The following VEGFC variants were observed in gnomAD, a reference collection of about 807,000 sequenced individuals.
VEGFC encodes the protein vascular endothelial growth factor C, also known as FLT4 ligand DHM.
In VEGFC, 12 loss-of-function variants were observed where a neutral mutation model predicts 46.1. That is an observed-to-expected ratio of 0.26 (90% CI 0.17 to 0.42). The LOEUF is 0.42. Among genes scored for constraint, VEGFC ranks in the 10% least tolerant of loss-of-function variants. The pLI is 1.00. For synonymous variants in VEGFC, 232 were observed against 195.5 expected, an observed-to-expected ratio of 1.19 and a Z score of -1.56; for missense variants, 488 against 529.4, an observed-to-expected ratio of 0.92 and a Z score of 0.77.
At position 176,707,459 on chromosome 4, in the gene VEGFC, G is replaced by A. The variant is rs539737464; in HGVS notation, c.704+4040C>T. ...TCACTAGTGTAGCTTTTATTGAATTGTGGGCCATAATTCATAAAGGGTTGA... is the reference window on the plus strand; with the variant it reads ...TCACTAGTGTAGCTTTTATTGAATTATGGGCCATAATTCATAAAGGGTTGA... On this transcript the variant is annotated intron_variant, in intron 4 of 6. Transcript: ENST00000618562. Among the ~76,000 whole-genome samples, 4 of 152,048 alleles carry A rather than the reference G, an allele frequency of 2.6e-5. No individual in the cohort carries two copies. In the South Asian group the frequency reaches 8.3e-4, roughly 32 times the overall value.
chr4:176,742,412 G>A (rs1000071222), intron 1 of VEGFC, among the ~76,000 whole-genome samples: 1 of 151,934 alleles, frequency 6.6e-6, no homozygotes, highest in Admixed American at 6.6e-5. Flanking sequence ...ATGTCTGTTT[G>A]ACAGGATGTT....
chr4:176,740,002 AATATATATAACTATATATTCGATATATC>A (rs1560951427), intron 1 of VEGFC, among the ~76,000 whole-genome samples: 96 of 112,166 alleles, frequency 8.6e-4, no homozygotes, highest in African/African-American at 2.6e-3. Context: ...CGATATATCG[AATATATATAACTATATATTCGATATATC>A]GAATATATAT....
chr4:176,777,951 C>CAAAAAAA (rs1735842860), intron 1 of VEGFC, among the ~76,000 whole-genome samples: 2 of 101,722 alleles, frequency 2.0e-5, no homozygotes, highest in African/African-American at 8.6e-5. Context: ...AAAAAAAAAG[C>CAAAAAAA]TATTCTTGTT....
chr4:176,782,124 T>C (rs1735927147), intron 1 of VEGFC, among the ~76,000 whole-genome samples: 2 of 152,244 alleles, frequency 1.3e-5, no homozygotes, highest in African/African-American at 4.8e-5. Context: ...TAAGCAGTTA[T>C]TTGAATCCTG....
At chr4:176,713,040 C>T (rs1734642923) in intron 3 of VEGFC, among the ~76,000 whole-genome samples, 1 of 152,092 alleles carries the variant, frequency 6.6e-6, no homozygotes, top group Non-Finnish European at 1.5e-5. Flanking sequence ...AAGGATAACA[C>T]TTGACTCATT....
In VEGFC at chr4:176,792,775, G is replaced by C. The variant is rs1437739139; in HGVS notation, c.-464C>G. The C allele has an allele frequency of 6.7e-6, 1 of 148,666 alleles. No homozygotes were observed. The highest frequency in any genetic ancestry group is 1.5e-5 in the Non-Finnish European group (1 of 66,634). The allele number at this position is 148,666 out of a possible 1,614,324, so 9.2% of individuals were successfully genotyped here. ...GGAGCCGGGCCGCGGGCGCTGCGGC[G>C]GGGGCGCTGGCGGCGGTGCCGGGGG... On this transcript the variant is annotated 5_prime_UTR_variant, in exon 1 of 7. Transcript: ENST00000618562. This position sits in a 1 kb window ranked among gnomAD's most constrained non-coding sequence, Gnocchi z 6.3.
chr4:176,750,835 C>T (rs1054447273), intron 1 of VEGFC, among the ~76,000 whole-genome samples: 2 of 151,422 alleles, frequency 1.3e-5, no homozygotes, highest in South Asian at 4.2e-4. Context: ...CAATAGAAAT[C>T]GTTAATTAAT....
At chr4:176,736,725 C>A (rs1338449810) in intron 1 of VEGFC, among the ~76,000 whole-genome samples, 4 of 151,516 alleles carry the variant, frequency 2.6e-5, no homozygotes, top group South Asian at 2.1e-4. Flanking sequence ...AAAAATATTT[C>A]TTTAGTAAAA....
intron 1 of VEGFC, among the ~76,000 whole-genome samples, chr4:176,758,504 A>G (rs1397745332): frequency 6.6e-6 from 1 of 152,116 alleles, no homozygotes; most frequent in Non-Finnish European, 1.5e-5. Flanking sequence ...TGGTGCTAGA[A>G]AACCTCCGTC....
At chr4:176,738,890 A>T (rs1417566294) in intron 1 of VEGFC, among the ~76,000 whole-genome samples, 2 of 151,918 alleles carry the variant, frequency 1.3e-5, no homozygotes, top group African/African-American at 4.8e-5. Flanking sequence ...AAAGAACATG[A>T]ACAGAGACTC....
intron 1 of VEGFC, among the ~76,000 whole-genome samples, chr4:176,781,311 G>C (rs1214404963): frequency 6.6e-6 from 1 of 152,180 alleles, no homozygotes; most frequent in East Asian, 1.9e-4. Context: ...AGTCATAAAT[G>C]TCATGACCTG....
chr4:176,790,532 A>AAC lies in VEGFC; in HGVS notation c.147+1631_147+1632dup, dbSNP rs34739848. On this transcript the variant is annotated intron_variant, in intron 1 of 6. Transcript: ENST00000618562. The stretch of plus-strand genomic sequence containing the variant: ...CCCATACCTATACATAACACACGTA[A>AAC]ACACACACACACACACACTCAAGGT... Among the ~76,000 whole-genome samples, 301 of 151,258 alleles carry AAC rather than the reference A, an allele frequency of 2.0e-3. 1 individual carries two copies. Among genetic ancestry groups the AAC allele is most frequent in the African/African-American group, 5.8e-3 (239 of 41,128 alleles).
At chr4:176,729,784 T>C in intron 1 of VEGFC, 38 bp from the exon 2 acceptor site, 2 of 1,496,268 alleles carry the variant, frequency 1.3e-6, no homozygotes, top group South Asian at 1.4e-5. Context: ...ACTTACCAGC[T>C]TAAGGGATTT....
chr4:176,727,026 T>C (rs1734882827), intron 3 of VEGFC, among the ~76,000 whole-genome samples: 2 of 152,224 alleles, frequency 1.3e-5, no homozygotes, highest in Admixed American at 6.5e-5. Context: ...CAAACATTTC[T>C]GTTCAGAGGC....
chr4:176,735,553 G>T (rs976098378), intron 1 of VEGFC, among the ~76,000 whole-genome samples: 1 of 151,908 alleles, frequency 6.6e-6, no homozygotes, highest in Non-Finnish European at 1.5e-5. Flanking sequence ...TTGGACAGAG[G>T]CTCTTAGAGG....
intron 4 of VEGFC, among the ~76,000 whole-genome samples, chr4:176,702,766 T>C (rs1734455971): frequency 6.6e-6 from 1 of 152,104 alleles, no homozygotes; most frequent in South Asian, 2.1e-4. Flanking sequence ...TCCTCTTTGA[T>C]TGTACTCTCT....
chr4:176,684,111 T>G, intron 6 of VEGFC, 71 bp from the exon 7 acceptor site: 1 of 1,118,668 alleles, frequency 8.9e-7, no homozygotes, highest in Non-Finnish European at 1.3e-6. Flanking sequence ...ACCAAGGTAT[T>G]TCTGTGTTTT....
chr4:176,779,931 C>A (rs1366078856), intron 1 of VEGFC, among the ~76,000 whole-genome samples: 2 of 152,134 alleles, frequency 1.3e-5, no homozygotes, highest in Non-Finnish European at 2.9e-5. Flanking sequence ...GAGTGAAACC[C>A]ACAGTAACAT....
chr4:176,715,545 A>G (rs2111003126), intron 3 of VEGFC, among the ~76,000 whole-genome samples: 1 of 152,102 alleles, frequency 6.6e-6, no homozygotes, highest in South Asian at 2.1e-4. Context: ...TAATTTTTCT[A>G]ATTCTTTCTG....
Sources: gnomAD v4.1 joint callset for allele counts (sites outside exome capture counted in the v4.1 genomes callset) on GRCh38, gnomAD v4.1.1 for gene constraint, Gnocchi (gnomAD v3.1) non-coding constraint, MANE v1.5 for transcripts, NCBI Gene and HGNC (gene_info 2026-07-23, HGNC 2026-07-21) for gene names.